PEAK1: variants seen among roughly 807,000 people sequenced by gnomAD.
PEAK1 encodes the protein inactive tyrosine-protein kinase PEAK1.
Under a neutral mutation model 124.7 loss-of-function variants are expected in PEAK1, and 54 were observed. The observed-to-expected ratio is 0.43, with a 90% CI of 0.35 to 0.54. PEAK1 has a LOEUF of 0.54. Ranked by LOEUF, PEAK1 falls within the 20% of genes least tolerant of loss-of-function variation. The pLI is 0.01. For synonymous variants in PEAK1, 719 were observed against 760.0 expected (o/e 0.95, Z 0.89); for missense variants, 2,046 against 2,134.5 (o/e 0.96, Z 0.82).
Position 77,209,926 on chromosome 15 carries a change from G to A in PEAK1, c.-114-27886C>T, listed in dbSNP as rs1304315898. 2.6e-5 allele frequency among the ~76,000 whole-genome samples: 4 copies of A among 152,202 alleles called. No individual in the cohort carries two copies. In the East Asian group the frequency reaches 5.8e-4, roughly 22 times the overall value. On this transcript the variant is annotated intron_variant, in intron 6 of 9. Coordinates refer to ENST00000682557, the MANE Select transcript of PEAK1 (RefSeq NM_001385026.1). ...TAAATGTATTGTTTTAAACAATTAC[G>A]TTTATGACAATTTGTTACAGCAGTA...
intron 6 of PEAK1, among the ~76,000 whole-genome samples, chr15:77,184,462 C>T (rs1427763889): frequency 6.6e-6 from 1 of 152,114 alleles, no homozygotes; most frequent in Admixed American, 6.6e-5. Context: ...CAATCCCACT[C>T]CTAGGTATTT....
chr15:77,266,579 G>C (rs1392246368), intron 5 of PEAK1, among the ~76,000 whole-genome samples: 1 of 152,136 alleles, frequency 6.6e-6, no homozygotes, highest in African/African-American at 2.4e-5. Context: ...TCTAGGTTTT[G>C]ATTGAAAACC....
chr15:77,290,546 C>G (rs191912561), intron 2 of PEAK1, among the ~76,000 whole-genome samples: 7 of 152,050 alleles, frequency 4.6e-5, no homozygotes, highest in Admixed American at 3.3e-4. Context: ...AGCCACCTTG[C>G]CCAGCTTCTT....
chr15:77,182,623 A>T (rs1157766020), intron 6 of PEAK1, among the ~76,000 whole-genome samples: 2 of 151,856 alleles, frequency 1.3e-5, no homozygotes. Flanking sequence ...GTGGTAGCAC[A>T]CACCTATAGT....
At chr15:77,302,464 T>C (rs767754766) in intron 2 of PEAK1, among the ~76,000 whole-genome samples, 26 of 152,316 alleles carry the variant, frequency 1.7e-4, no homozygotes, top group Middle Eastern at 3.4e-3. Context: ...TTCTAACAAC[T>C]GCCACCCATT....
At chr15:77,362,675 A>G (rs1301364173) in intron 2 of PEAK1, among the ~76,000 whole-genome samples, 1 of 152,218 alleles carries the variant, frequency 6.6e-6, no homozygotes, top group Non-Finnish European at 1.5e-5. Flanking sequence ...TCCAAGAGAC[A>G]TGAAACCCTA....
intron 2 of PEAK1, among the ~76,000 whole-genome samples, chr15:77,354,929 C>T (rs1257494354): frequency 6.6e-6 from 1 of 151,920 alleles, no homozygotes; most frequent in African/African-American, 2.4e-5. Flanking sequence ...GTCCCAGCTA[C>T]TCGGGAGGCT....
In PEAK1 at chr15:77,220,162, A is replaced by G. The variant is rs116407774; in HGVS notation, c.-115+32205T>C. ...TAAAAGAGTAAAAGTGTGCTCCTCA[A>G]TGAAAAGACTGTCAGTTAAAATTCT... is the stretch of plus-strand genomic sequence containing the variant. On this transcript the variant is annotated intron_variant, in intron 6 of 9. Transcript: ENST00000682557. 3.7e-3 allele frequency among the ~76,000 whole-genome samples: 568 copies of G among 152,280 alleles called. 6 individuals are homozygous for G. The highest frequency in any genetic ancestry group is 0.012 in the African/African-American group (519 of 41,578).
chr15:77,168,397 G>A (rs758548568), intron 7 of PEAK1, among the ~76,000 whole-genome samples: 1 of 152,084 alleles, frequency 6.6e-6, no homozygotes, highest in Non-Finnish European at 1.5e-5. Context: ...AGGGGTAAGC[G>A]AACTTCTGTA....
chr15:77,237,366 A>G (rs928166908), intron 6 of PEAK1, among the ~76,000 whole-genome samples: 1 of 151,992 alleles, frequency 6.6e-6, no homozygotes, highest in Non-Finnish European at 1.5e-5. Flanking sequence ...GGCTCTTGGC[A>G]TCATACATTT....
At chr15:77,348,835 TCTAA>T (rs145557043) in intron 2 of PEAK1, 184,915 of 758,772 alleles carry the variant, frequency 0.24, 25,701 homozygotes, top group Non-Finnish European at 0.26. Context: ...AGAGTGGGGG[TCTAA>T]CTGTGTTGCT....
chr15:77,173,110 C>T (rs1299350408), intron 7 of PEAK1, among the ~76,000 whole-genome samples: 1 of 152,070 alleles, frequency 6.6e-6, no homozygotes, highest in African/African-American at 2.4e-5. Flanking sequence ...AACAAACTCT[C>T]CTAGTACAAT....
intron 1 of PEAK1, among the ~76,000 whole-genome samples, chr15:77,396,966 T>C (rs535493790): frequency 1.3e-5 from 2 of 152,216 alleles, no homozygotes; most frequent in South Asian, 2.1e-4. Flanking sequence ...ATGGACCTAA[T>C]AGATCTTTAC....
intron 2 of PEAK1, chr15:77,348,237 C>T (rs2066991878): frequency 1.0e-6 from 1 of 961,896 alleles, no homozygotes; most frequent in Admixed American, 6.2e-5. Flanking sequence ...GTACTGGAAT[C>T]CCACCTCTCA....
At chr15:77,201,571 A>G (rs1157288932) in intron 6 of PEAK1, among the ~76,000 whole-genome samples, 1 of 151,818 alleles carries the variant, frequency 6.6e-6, no homozygotes, top group Non-Finnish European at 1.5e-5. Flanking sequence ...CTGTTTTCCT[A>G]TTTCCAAACA....
intron 2 of PEAK1, among the ~76,000 whole-genome samples, chr15:77,325,551 T>C (rs1192294916): frequency 6.6e-6 from 1 of 152,118 alleles, no homozygotes; most frequent in Non-Finnish European, 1.5e-5. Context: ...TTAGCAGTGA[T>C]GGGGCCACTG....
intron 1 of PEAK1, chr15:77,417,488 T>A (rs1445574105): frequency 1.0e-6 from 1 of 982,180 alleles, no homozygotes; most frequent in African/African-American, 1.8e-5. Context: ...GAGGTAGGAA[T>A]CACAGTAAAG....
At chr15:77,185,452 C>T (rs1236249106) in intron 6 of PEAK1, among the ~76,000 whole-genome samples, 3 of 152,196 alleles carry the variant, frequency 2.0e-5, no homozygotes, top group Non-Finnish European at 4.4e-5. Context: ...TGTGATGACA[C>T]AGAAGCCAGA....
At chr15:77,299,003 C>T (rs2152988994) in intron 2 of PEAK1, among the ~76,000 whole-genome samples, 1 of 152,304 alleles carries the variant, frequency 6.6e-6, no homozygotes, top group South Asian at 2.1e-4. Context: ...CCCTGTGAGA[C>T]CCAGCTGGAT....
Sources: allele counts gnomAD v4.1 joint callset (sites outside exome capture counted in the v4.1 genomes callset), GRCh38; gene constraint gnomAD v4.1.1; transcripts MANE v1.5; gene names NCBI Gene and HGNC (gene_info 2026-07-23, HGNC 2026-07-21).